The following RBFOX1 variants were observed in gnomAD, a reference collection of about 807,000 sequenced individuals.
The protein encoded by RBFOX1 is RNA binding protein fox-1 homolog 1.
RBFOX1 carries 8 observed loss-of-function variants against 57.7 expected under a neutral mutation model. The ratio of observed to expected loss-of-function variants is 0.14; its 90% confidence interval spans 0.08 to 0.25. The LOEUF (loss-of-function observed/expected upper bound fraction) is 0.25, where lower values mean the gene tolerates loss of function less well. Among genes scored for constraint, RBFOX1 ranks in the 10% least tolerant of loss-of-function variants. The pLI, the probability that RBFOX1 is intolerant of heterozygous loss-of-function variation, is 1.00. For synonymous variants in RBFOX1, 326 were observed against 222.4 expected (o/e 1.47, Z -4.15); for missense variants, 611 against 548.5 (o/e 1.11, Z -1.14).
intron 4 of RBFOX1, among the ~76,000 whole-genome samples, chr16:7,283,762 C>T (rs1029689454): frequency 3.3e-5 from 5 of 152,160 alleles, no homozygotes; most frequent in African/African-American, 1.2e-4. Flanking sequence ...ATCATGTCAT[C>T]AGATCATTGC....
rs74004790 is a variant in RBFOX1 at position 6,121,866 on chromosome 16, G to A, written c.-127+101874G>A. ...TTAAGTGAGGCAATACCTGTAAAAT[G>A]CCTAAGACAGAGTTAGTAGTCAATG... On this transcript the variant is annotated intron_variant, in intron 1 of 15. Transcript: ENST00000550418. Among the ~76,000 whole-genome samples the A allele has an allele frequency of 9.1e-3, 1,387 of 152,282 alleles. 27 individuals are homozygous for A. Among genetic ancestry groups the A allele is most frequent in the African/African-American group, 0.031 (1,284 of 41,558 alleles).
chr16:5,481,147 C>A (rs1244546234), intron 2 of RBFOX1, among the ~76,000 whole-genome samples: 2 of 152,192 alleles, frequency 1.3e-5, no homozygotes, highest in Non-Finnish European at 2.9e-5. Context: ...TCTTCACAAC[C>A]TCTGCGGAGG....
intron 2 of RBFOX1, among the ~76,000 whole-genome samples, chr16:6,550,857 A>T (rs775986257): frequency 2.0e-5 from 3 of 152,218 alleles, no homozygotes; most frequent in Non-Finnish European, 2.9e-5. Context: ...CCCTAAATAG[A>T]TATTTAATTC....
At chr16:6,387,851 C>A (rs1484153208) in intron 2 of RBFOX1, among the ~76,000 whole-genome samples, 2 of 151,976 alleles carry the variant, frequency 1.3e-5, no homozygotes, top group Non-Finnish European at 2.9e-5. Flanking sequence ...CTGTCTCAGT[C>A]TACAGGGAAC....
chr16:7,287,836 G>A (rs2095680557), intron 4 of RBFOX1, among the ~76,000 whole-genome samples: 1 of 152,116 alleles, frequency 6.6e-6, no homozygotes, highest in South Asian at 2.1e-4. Context: ...AATAATTATG[G>A]ATTTGCATAT....
At chr16:6,562,386 T>C (rs2097190286) in intron 2 of RBFOX1, among the ~76,000 whole-genome samples, 1 of 152,236 alleles carries the variant, frequency 6.6e-6, no homozygotes, top group African/African-American at 2.4e-5. Context: ...AAACTGTGTA[T>C]CACTCTTCAG....
At chr16:7,243,934 T>G (rs1052867527) in intron 4 of RBFOX1, among the ~76,000 whole-genome samples, 2 of 151,852 alleles carry the variant, frequency 1.3e-5, no homozygotes, top group African/African-American at 4.9e-5. Flanking sequence ...TTTAAGAGAT[T>G]CATTAAACCT....
intron 1 of RBFOX1, among the ~76,000 whole-genome samples, chr16:5,363,654 C>G (rs1048165149): frequency 6.6e-6 from 1 of 152,154 alleles, no homozygotes; most frequent in Non-Finnish European, 1.5e-5. Context: ...TGAATCATGA[C>G]CCTTCTTGCA....
chr16:7,628,329 C>T (rs1250251923), intron 10 of RBFOX1, among the ~76,000 whole-genome samples: 1 of 152,096 alleles, frequency 6.6e-6, no homozygotes, highest in Non-Finnish European at 1.5e-5. Context: ...TCTGTATATC[C>T]TATAGAAACA....
chr16:7,390,176 G>A (rs1189584441), intron 4 of RBFOX1, among the ~76,000 whole-genome samples: 2 of 152,094 alleles, frequency 1.3e-5, no homozygotes, highest in African/African-American at 4.8e-5. Context: ...ACAGCAAGGG[G>A]GATGTTTGCT....
At chr16:7,613,017 C>T (rs1166735331) in intron 10 of RBFOX1, among the ~76,000 whole-genome samples, 2 of 152,080 alleles carry the variant, frequency 1.3e-5, no homozygotes, top group African/African-American at 4.8e-5. Flanking sequence ...CTCCATGAGA[C>T]GTGATCAATA....
chr16:5,328,572 G>A (rs1199891328), intron 1 of RBFOX1, among the ~76,000 whole-genome samples: 1 of 152,184 alleles, frequency 6.6e-6, no homozygotes, highest in Non-Finnish European at 1.5e-5. Context: ...GCTTCTTCTG[G>A]GTCATTTGAG....
At chr16:6,324,950 G>A (rs1380602870) in intron 2 of RBFOX1, among the ~76,000 whole-genome samples, 1 of 152,118 alleles carries the variant, frequency 6.6e-6, no homozygotes, top group Non-Finnish European at 1.5e-5. Flanking sequence ...GTACTATGTA[G>A]CTAAATTAGG....
At chr16:5,832,962 A>T (rs917131996) in intron 3 of RBFOX1, among the ~76,000 whole-genome samples, 1 of 152,210 alleles carries the variant, frequency 6.6e-6, no homozygotes, top group South Asian at 2.1e-4. Context: ...TGGTGATTTC[A>T]TCCCTTTTTG....
At position 7,595,673 on chromosome 16, in the gene RBFOX1, T is replaced by G. The variant is rs772831615; in HGVS notation, c.561+32T>G. ...GTTCAAAATATTTTCCTTTTCATCT[T>G]TTTTATAAATGTCTGCTTCACGCTC... On this transcript the variant is annotated intron_variant, in intron 8 of 15. Transcript: ENST00000550418. 4 of 1,539,116 alleles carry G rather than the reference T, an allele frequency of 2.6e-6. No individual in the cohort carries two copies. The South Asian group carries it at 5.1e-5, about 20-fold the overall frequency.
chr16:7,478,135 G>A (rs534654003), intron 4 of RBFOX1, among the ~76,000 whole-genome samples: 1 of 152,274 alleles, frequency 6.6e-6, no homozygotes, highest in African/African-American at 2.4e-5. Flanking sequence ...TAAATAATCA[G>A]AATTTGTTAG....
rs184336547 is a variant in RBFOX1, at chr16:6,670,547, A to G, written c.-16+15897A>G. 4.7e-3 allele frequency among the ~76,000 whole-genome samples: 713 copies of G among 152,342 alleles called. 3 individuals are homozygous for G. Among genetic ancestry groups the G allele is most frequent in the Non-Finnish European group, 7.7e-3 (526 of 68,030 alleles). On this transcript the variant is annotated intron_variant, in intron 3 of 15. Coordinates refer to ENST00000550418, the MANE Select transcript of RBFOX1 (RefSeq NM_018723.4). ...AAAACATACCCCCAAAGAAAGCATAAGTAGACTTAAACACCCGGTAATACC... is the reference window on the plus strand; with the variant it reads ...AAAACATACCCCCAAAGAAAGCATAGGTAGACTTAAACACCCGGTAATACC...
At chr16:5,846,438 A>G (rs1476337536) in intron 3 of RBFOX1, among the ~76,000 whole-genome samples, 1 of 152,144 alleles carries the variant, frequency 6.6e-6, no homozygotes, top group Non-Finnish European at 1.5e-5. Context: ...TCTCTGTGTG[A>G]TTATTCGACA....
chr16:7,228,192 G>A (rs1336431137), intron 4 of RBFOX1, among the ~76,000 whole-genome samples: 1 of 152,086 alleles, frequency 6.6e-6, no homozygotes, highest in South Asian at 2.1e-4. Flanking sequence ...TCGTGGTTGT[G>A]TGCCAACAGA....
Sources: gnomAD v4.1 joint callset for allele counts (sites outside exome capture counted in the v4.1 genomes callset) on GRCh38, gnomAD v4.1.1 for gene constraint, MANE v1.5 for transcripts, NCBI Gene and HGNC (gene_info 2026-07-23, HGNC 2026-07-21) for gene names.